The following HNF4G variants were observed in gnomAD, a reference collection of about 807,000 sequenced individuals.
The protein encoded by HNF4G is hepatocyte nuclear factor 4-gamma.
Under a neutral mutation model 50.9 loss-of-function variants are expected in HNF4G, and 21 were observed. The observed-to-expected ratio is 0.41, with a 90% CI of 0.29 to 0.59. The LOEUF is 0.59. Ranked by LOEUF, HNF4G falls within the 20% of genes least tolerant of loss-of-function variation. The pLI, the probability that HNF4G is intolerant of heterozygous loss-of-function variation, is 0.26. For synonymous variants in HNF4G, 198 were observed against 185.6 expected, an observed-to-expected ratio of 1.07 and a Z score of -0.54; for missense variants, 527 against 559.4, an observed-to-expected ratio of 0.94 and a Z score of 0.58.
intron 4 of HNF4G, 53 bp from the exon 5 acceptor site, chr8:75,552,989 A>C: frequency 1.6e-6 from 2 of 1,289,976 alleles, no homozygotes; most frequent in Non-Finnish European, 2.2e-6. Flanking sequence ...AAAAAGGGGA[A>C]TGTTGGCCAT....
chr8:75,543,942 A>G lies in HNF4G; in HGVS notation c.250A>G (p.Arg84Gly). ...CTGTGATGGGTGCAAGGGTTTCTTC[A>G]GACGCAGCATTCGTAAGAGTCACGT... ...SSCDGCKGFF[R>G]RSIRKSHVYS... Residue 84 changes from arginine to glycine, a missense_variant, in exon 2 of 10, where the codon AGA (arginine) becomes GGA (glycine). Physicochemically the swap from Arg to Gly is moderately radical, Grantham distance 125 (BLOSUM62 -2). Coordinates refer to ENST00000396423, the MANE Select transcript of HNF4G (RefSeq NM_004133.5). The G allele has an allele frequency of 6.2e-7, 1 of 1,602,632 alleles. No homozygotes were observed. Among genetic ancestry groups the G allele is most frequent in the Admixed American group, 1.7e-5 (1 of 58,758 alleles).
chr8:75,532,594 T>C (rs1313338702), intron 2 of HNF4G, among the ~76,000 whole-genome samples: 6 of 152,076 alleles, frequency 3.9e-5, no homozygotes, highest in Non-Finnish European at 8.8e-5. Context: ...AAGAGAAGAA[T>C]GTTCTTTGTG....
At chr8:75,491,446 T>G (rs184716650) in intron 2 of HNF4G, among the ~76,000 whole-genome samples, 1 of 152,198 alleles carries the variant, frequency 6.6e-6, no homozygotes, top group Admixed American at 6.5e-5. Context: ...AAAAACACAC[T>G]TCTAAAATCA....
At chr8:75,544,739 G>T (rs1289532476) in intron 2 of HNF4G, among the ~76,000 whole-genome samples, 2 of 151,136 alleles carry the variant, frequency 1.3e-5, no homozygotes, top group Non-Finnish European at 2.9e-5. Context: ...GACTGTCCTT[G>T]AATGCAGATT....
At chr8:75,426,316 A>G (rs984574671) in intron 1 of HNF4G, among the ~76,000 whole-genome samples, 1 of 152,154 alleles carries the variant, frequency 6.6e-6, no homozygotes, top group Non-Finnish European at 1.5e-5. Flanking sequence ...GTGTTTCTCC[A>G]TTGCACTTCC....
chr8:75,512,428 T>TTTA lies in HNF4G; in HGVS notation c.-24+22233_-24+22235dup, dbSNP rs568755219. 1.7e-3 allele frequency among the ~76,000 whole-genome samples: 237 copies of TTTA among 140,934 alleles called. 1 individual carries two copies. The highest frequency in any genetic ancestry group is 5.7e-3 in the African/African-American group (211 of 36,872). The allele number at this position is 140,934 out of a possible 152,430, so 92.5% of individuals were successfully genotyped here. ...TCTTACTTCATTTTAGATAAACATC[T>TTTA]TTATTATTATTATTACTATTACTAT... On this transcript the variant is annotated intron_variant, in intron 2 of 10. Coordinates refer to the HNF4G transcript ENST00000354370.
chr8:75,415,097 A>C (rs2130471459), intron 1 of HNF4G, among the ~76,000 whole-genome samples: 1 of 152,298 alleles, frequency 6.6e-6, no homozygotes, highest in East Asian at 1.9e-4. Flanking sequence ...TGTGATTTTA[A>C]TTTGTATTTC....
chr8:75,549,623 T>C (rs1806888265), intron 3 of HNF4G, among the ~76,000 whole-genome samples: 1 of 151,588 alleles, frequency 6.6e-6, no homozygotes, highest in Non-Finnish European at 1.5e-5. Flanking sequence ...ATTATTATTA[T>C]TATACTTTAA....
At chr8:75,454,006 C>T (rs565024811) in intron 1 of HNF4G, among the ~76,000 whole-genome samples, 240 of 150,406 alleles carry the variant, frequency 1.6e-3, no homozygotes, top group South Asian at 3.8e-3. Flanking sequence ...AGATTAATTG[C>T]TTTATAAGAA....
rs1362733350 is a variant in HNF4G, at chr8:75,500,336, C to G, written c.-24+10128C>G. Among the ~76,000 whole-genome samples the G allele has an allele frequency of 3.3e-5, 5 of 152,068 alleles. No homozygotes were observed. In the East Asian group the frequency reaches 9.6e-4, roughly 29 times the overall value. ...CAATGAGACAATGCTTTACATCCCC[C>G]ACAATGGCTATAATGAAAAAGGCAG... On this transcript the variant is annotated intron_variant, in intron 2 of 10. Transcript: ENST00000354370.
intron 1 of HNF4G, among the ~76,000 whole-genome samples, 164 bp downstream of exon 1, chr8:75,540,244 A>G (rs1806577077): frequency 6.6e-6 from 1 of 152,102 alleles, no homozygotes; most frequent in South Asian, 2.1e-4. Context: ...TACAAAATTT[A>G]AGTTAATAAT....
intron 1 of HNF4G, 28 bp from the exon 2 acceptor site, chr8:75,543,783 A>G (rs754157333): frequency 6.3e-7 from 1 of 1,584,608 alleles, no homozygotes; most frequent in African/African-American, 1.3e-5. Context: ...TACTAACTCT[A>G]ACTGTAATCT....
At chr8:75,472,761 T>A (rs1354427872) in intron 1 of HNF4G, among the ~76,000 whole-genome samples, 1 of 152,180 alleles carries the variant, frequency 6.6e-6, no homozygotes, top group Non-Finnish European at 1.5e-5. Context: ...GGCTGGACAC[T>A]GCAAACTTTA....
At position 75,517,492 on chromosome 8, in the gene HNF4G, G is replaced by T. The variant is rs571508279; in HGVS notation, c.-23-26319G>T. Among the ~76,000 whole-genome samples, 4 of 152,238 alleles carry T rather than the reference G, an allele frequency of 2.6e-5. No individual in the cohort carries two copies. In the South Asian group the frequency reaches 8.3e-4, roughly 32 times the overall value. On this transcript the variant is annotated intron_variant, in intron 2 of 10. Coordinates refer to the HNF4G transcript ENST00000354370. ...GTACAGGCATTGGGTAAATACACCT[G>T]TTCCAAATGGGAAAAATTGGCCAAA...
chr8:75,407,954 G>T (rs535880537), upstream of HNF4G: 1 of 151,966 alleles, frequency 6.6e-6, no homozygotes, highest in Admixed American at 6.6e-5. Flanking sequence ...CTCCGGGAGC[G>T]GCCCGCGCAG....
At chr8:75,522,902 A>C (rs1008869345) in intron 2 of HNF4G, among the ~76,000 whole-genome samples, 27 of 152,168 alleles carry the variant, frequency 1.8e-4, no homozygotes, top group African/African-American at 6.5e-4. Context: ...AAGAGATGGC[A>C]TCAAAGAAAC....
At chr8:75,492,272 T>G (rs1812649027) in intron 2 of HNF4G, among the ~76,000 whole-genome samples, 2 of 152,164 alleles carry the variant, frequency 1.3e-5, no homozygotes, top group Admixed American at 1.3e-4. Context: ...CTAAATCCTT[T>G]CAGTTTTGAT....
chr8:75,496,622 A>G (rs1343290568), intron 2 of HNF4G, among the ~76,000 whole-genome samples: 1 of 152,090 alleles, frequency 6.6e-6, no homozygotes, highest in African/African-American at 2.4e-5. Flanking sequence ...TAATTTATTA[A>G]AAAAAGAATC....
At position 75,507,385 on chromosome 8, in the gene HNF4G, C is replaced by T. The variant is rs191032858; in HGVS notation, c.-24+17177C>T. Among the ~76,000 whole-genome samples the T allele has an allele frequency of 6.9e-3, 1,056 of 151,978 alleles. 14 individuals are homozygous for T. Among genetic ancestry groups the T allele is most frequent in the African/African-American group, 0.024 (989 of 41,482 alleles). On this transcript the variant is annotated intron_variant, in intron 2 of 10. Transcript: ENST00000354370. Reference sequence around the variant, plus strand: ...AGCAAATTCTTCTGCCACAGCCTCCCGAGTAGCTGGGATTACAGGTGCCCG... The same window carrying T: ...AGCAAATTCTTCTGCCACAGCCTCCTGAGTAGCTGGGATTACAGGTGCCCG...
Sources: allele counts gnomAD v4.1 joint callset (sites outside exome capture counted in the v4.1 genomes callset), GRCh38; gene constraint gnomAD v4.1.1; transcripts MANE v1.5; gene names NCBI Gene and HGNC (gene_info 2026-07-23, HGNC 2026-07-21).